Variants in DCHS1 observed in about 807,000 individuals in gnomAD.
DCHS1 encodes dachsous cadherin-related 1, also known as protocadherin-16.
Under a neutral mutation model 213.9 loss-of-function variants are expected in DCHS1, and 78 were observed. The observed-to-expected ratio is 0.36, with a 90% confidence interval of 0.30 to 0.44. DCHS1 has a LOEUF of 0.44. Among genes scored for constraint, DCHS1 ranks in the 20% least tolerant of loss-of-function variants. The pLI, the probability that DCHS1 is intolerant of heterozygous loss-of-function variation, is 1.00. For synonymous variants in DCHS1, 1,828 were observed against 1,873.7 expected (o/e 0.98, Z 0.63); for missense variants, 3,946 against 4,395.9 (o/e 0.90, Z 2.89).
chr11:6,633,037 G>C lies in DCHS1; in HGVS notation c.2475C>G (p.Thr825=), dbSNP rs1855936471. 2 of 1,606,706 alleles carry C rather than the reference G, an allele frequency of 1.2e-6. No homozygotes were observed. Among genetic ancestry groups the C allele is most frequent in the East Asian group, 2.2e-5 (1 of 44,714 alleles). Residue 825 remains threonine (T), a synonymous_variant, in exon 6 of 21, where the codon ACC becomes ACG. Transcript: ENST00000299441. The stretch of plus-strand genomic sequence containing the variant: ...GGGGATCCCCACCTGATAGGGAAAG[G>C]GTCACAGGTGCCAAGCGACCTAGGG... ...HNPPGRLAPV[T]LSLSGGDPRG...
chr11:6,651,058 G>T (rs891210858), intron 1 of DCHS1, among the ~76,000 whole-genome samples: 2 of 152,174 alleles, frequency 1.3e-5, no homozygotes, highest in African/African-American at 4.8e-5. Flanking sequence ...CATTCATTTT[G>T]TTCACAGCCA....
rs185806768 is a variant in DCHS1, at chr11:6,652,664, G to A, written c.-121+2899C>T. Among the ~76,000 whole-genome samples, 6 of 152,300 alleles carry A rather than the reference G, an allele frequency of 3.9e-5. No individual in the cohort carries two copies. In the East Asian group the frequency reaches 7.7e-4, roughly 20 times the overall value. ...CCTTAAGTAGAAGAGACAGCACTTC[G>A]TTCTTATAGGAAGGAAGGAGAAAAG... On this transcript the variant is annotated intron_variant, in intron 1 of 20. Transcript: ENST00000299441.
At chr11:6,651,655 T>C (rs1480702794) in intron 1 of DCHS1, among the ~76,000 whole-genome samples, 1 of 152,036 alleles carries the variant, frequency 6.6e-6, no homozygotes, top group African/African-American at 2.4e-5. Flanking sequence ...GAAAAGATGG[T>C]AGATGAGGGC....
chr11:6,642,296 A>T (rs998831254), intron 1 of DCHS1, among the ~76,000 whole-genome samples: 1 of 152,220 alleles, frequency 6.6e-6, no homozygotes, highest in Non-Finnish European at 1.5e-5. Flanking sequence ...GGCACTGAGG[A>T]TACCACAGCG....
chr11:6,630,634 C>A lies in DCHS1; in HGVS notation c.4160G>T (p.Arg1387Leu). ...GTFALDAASGRLYLARPLDFE... is the reference protein window; with the variant it reads ...GTFALDAASGLLYLARPLDFE... ...GTCCAGGGGCCGCGCCAGGTACAAG[C>A]GCCCTGAGGCCGCATCCAGCGCGAA... The change falls in exon 10 of 21, where the codon CGC (arginine) becomes CTC (leucine). Residue 1387 changes from arginine to leucine, a missense_variant. Physicochemically the swap from Arg to Leu is moderately radical, Grantham distance 102. This residue lies in a region of DCHS1 where 3,384 missense variants were observed against 3,780.1 expected (regional missense o/e 0.90). Coordinates refer to ENST00000299441, the MANE Select transcript of DCHS1 (RefSeq NM_003737.4). 5 of 1,536,792 alleles carry A rather than the reference C, an allele frequency of 3.3e-6. No homozygotes were observed. The highest frequency in any genetic ancestry group is 4.4e-6 in the Non-Finnish European group (5 of 1,146,500).
Position 6,624,341 on chromosome 11 carries a change from T to G in DCHS1, c.7335A>C (p.Ser2445=). 1 of 1,580,486 alleles carries G rather than the reference T, an allele frequency of 6.3e-7. No homozygotes were observed. The highest frequency in any genetic ancestry group is 8.6e-7 in the Non-Finnish European group (1 of 1,163,576). ...CTTCCAGCACCACATCCACTGCTCC[T>G]GACCCGTCATGGCCCAAGGCCACTG... ...VGTVALGHDG[S]GAVDVVLEAR... Residue 2445 remains serine, a synonymous_variant, in exon 21 of 21, where the codon TCA becomes TCC. Coordinates refer to ENST00000299441, the MANE Select transcript of DCHS1 (RefSeq NM_003737.4).
In DCHS1 at chr11:6,631,168, T is replaced by A; in HGVS notation, c.3815A>T (p.Glu1272Val). The A allele has an allele frequency of 1.2e-6, 2 of 1,611,308 alleles. No individual in the cohort carries two copies. The highest frequency in any genetic ancestry group is 8.5e-7 in the Non-Finnish European group (1 of 1,178,436). The change falls in exon 9 of 21, where the codon GAG becomes GTG. Residue 1272 changes from glutamate (E) to valine (V), a missense_variant. Glu to Val is a moderately radical substitution (Grantham distance 121, BLOSUM62 -2). Transcript: ENST00000299441. ...GATCAGGGGAGCTGCAGTGAGCAGC[T>A]CCCCTGAGTGAGGGTGCAGAGAGAA... ...ELFSLHPHSG[E>V]LLTAAPLIRA... is the part of the protein sequence containing the mutation.
chr11:6,655,308 C>T (rs1480668906), intron 1 of DCHS1, among the ~76,000 whole-genome samples: 1 of 152,080 alleles, frequency 6.6e-6, no homozygotes, highest in Admixed American at 6.5e-5. Context: ...ACAACGCTGT[C>T]GCACCCCACA....
chr11:6,630,197 G>A lies in DCHS1; in HGVS notation c.4597C>T (p.Arg1533Cys), dbSNP rs766603073. The change falls in exon 10 of 21, where the codon CGC becomes TGC. Residue 1533 changes from arginine (R) to cysteine (C), a missense_variant. Physicochemically the swap from Arg to Cys is radical, Grantham distance 180 (BLOSUM62 -3). This residue lies in a region of DCHS1 where 3,384 missense variants were observed against 3,780.1 expected (regional missense o/e 0.90). Transcript: ENST00000299441. ...SRRRAARVSA[R>C]VFVTDENDNA... ...TCATTCTCATCCGTGACGAAGACGC[G>A]CGCTGAAACGCGCGCTGCACGACGG... The A allele has an allele frequency of 8.2e-6, 13 of 1,579,898 alleles. No individual in the cohort carries two copies. The highest frequency in any genetic ancestry group is 1.7e-4 in the Middle Eastern group (1 of 6,050).
rs2659874 is a variant in DCHS1, at chr11:6,626,644, C to G, written c.6272G>C (p.Arg2091Thr). The change falls in exon 15 of 21, where the codon AGG becomes ACG. Residue 2091 changes from arginine to threonine, a missense_variant. Arg to Thr is a moderately conservative substitution (Grantham distance 71). Transcript: ENST00000299441. This position sits in a 1 kb window ranked among gnomAD's most constrained non-coding sequence, Gnocchi z 5.2. ...APPGTPIVSP[R>T]AVHAGGTNGP... ...ATTTGTGCCTCCTGCATGGACGGCC[C>G]TGGGGGAGACAATAGGAGTCCCTGC... 2.8e-3 allele frequency: 4,525 copies of G among 1,613,924 alleles called. 111 individuals carry two copies. In the African/African-American group the frequency reaches 0.051, roughly 18 times the overall value.
chr11:6,649,949 G>A (rs1440490193), intron 1 of DCHS1, among the ~76,000 whole-genome samples: 6 of 152,182 alleles, frequency 3.9e-5, no homozygotes, highest in Non-Finnish European at 8.8e-5. Flanking sequence ...TAAGTTAATA[G>A]CTGAACACTT....
In DCHS1 at chr11:6,627,035, G is replaced by A. The variant is rs770566798; in HGVS notation, c.6004C>T (p.Arg2002Trp). 8.1e-6 allele frequency: 13 copies of A among 1,613,484 alleles called. No individual in the cohort carries two copies. The highest frequency in any genetic ancestry group is 4.5e-5 in the East Asian group (2 of 44,892). The change falls in exon 14 of 21, where the codon CGG (arginine) becomes TGG (tryptophan). Residue 2002 changes from arginine to tryptophan, a missense_variant. Physicochemically the swap from Arg to Trp is moderately radical, Grantham distance 101 (BLOSUM62 -3). Transcript: ENST00000299441. The surrounding 1 kb of genome is among the most constrained non-coding windows in gnomAD (Gnocchi z 5.4). Reference sequence around the variant, plus strand: ...CCAGGAGGTGGTGTGCCTGCCAGCCGGTACAGAATGGAAGCATTGGCACCA... The same window carrying A: ...CCAGGAGGTGGTGTGCCTGCCAGCCAGTACAGAATGGAAGCATTGGCACCA... ...DAGANASILYRLAGTPPPGTT... is the reference protein window; with the variant it reads ...DAGANASILYWLAGTPPPGTT...
Position 6,632,546 on chromosome 11 carries a change from T to G in DCHS1, c.2966A>C (p.Gln989Pro), listed in dbSNP as rs1855927842. The change falls in exon 6 of 21, where the codon CAG becomes CCG. Residue 989 changes from glutamine to proline, a missense_variant. Gln to Pro is a moderately conservative substitution (Grantham distance 76). Around this residue, in one of 3 missense-constraint regions of DCHS1, gnomAD observed 3,384 missense variants for 3,780.1 expected, o/e 0.90. Transcript: ENST00000299441. The surrounding 1 kb of genome is among the most constrained non-coding windows in gnomAD (Gnocchi z 5.9). Reference protein sequence around the residue: ...TSHFRLRVVVQDVGTRGLAPR... With the variant: ...TSHFRLRVVVPDVGTRGLAPR... ...AGCCAGCCCACGGGTTCCCACATCC[T>G]GTACCACCACCCGTAGTCGAAAGTG... 2.0e-6 allele frequency: 3 copies of G among 1,528,688 alleles called. No homozygotes were observed. The highest frequency in any genetic ancestry group is 1.8e-6 in the Non-Finnish European group (2 of 1,135,284). The allele number at this position is 1,528,688 out of a possible 1,614,324, so 94.7% of individuals were successfully genotyped here.
At chr11:6,624,555 C>G (rs1855762874) in intron 20 of DCHS1, among the ~76,000 whole-genome samples, 165 bp from the exon 21 acceptor site, 1 of 152,206 alleles carries the variant, frequency 6.6e-6, no homozygotes, top group Non-Finnish European at 1.5e-5. Flanking sequence ...GCTTAGGGAA[C>G]AGCTTCTAGA....
At chr11:6,655,449 A>G (rs1191989467) in intron 1 of DCHS1, 114 bp downstream of exon 1, 4 of 523,274 alleles carry the variant, frequency 7.6e-6, no homozygotes, top group Non-Finnish European at 9.4e-6. Context: ...CCCCTCCCCC[A>G]TTGTCTCCGG....
Position 6,629,727 on chromosome 11 carries a change from C to T in DCHS1, c.4980G>A (p.Glu1660=). Reference sequence around the variant, plus strand: ...GCAGAGATGTGCCAGGAGGGTTGTTCTCACGCAAGAGGACGCTGTACTCCT... The same window carrying T: ...GCAGAGATGTGCCAGGAGGGTTGTTTTCACGCAAGAGGACGCTGTACTCCT... ...QQQEYSVLLR[E]NNPPGTSLLT... is the part of the protein sequence containing the mutation. The change falls in exon 11 of 21, where the codon GAG becomes GAA. Residue 1660 remains glutamate (E), a synonymous_variant. Coordinates refer to ENST00000299441, the MANE Select transcript of DCHS1 (RefSeq NM_003737.4). The T allele has an allele frequency of 6.2e-7, 1 of 1,613,912 alleles. No individual in the cohort carries two copies. Among genetic ancestry groups the T allele is most frequent in the Non-Finnish European group, 8.5e-7 (1 of 1,179,878 alleles).
chr11:6,624,095 C>T lies in DCHS1; in HGVS notation c.7581G>A (p.Trp2527Ter). Residue 2527 changes from tryptophan to a stop codon, truncating the protein, a stop_gained, in exon 21 of 21, where the codon TGG becomes TGA. Coordinates refer to ENST00000299441, the MANE Select transcript of DCHS1 (RefSeq NM_003737.4). LOFTEE classifies it high-confidence loss of function. ...TGGGTTCCAGCTGGAAGACTCGGCC[C>T]CAGTTGCCACTGATGATGCTGTAGT... is the stretch of plus-strand genomic sequence containing the variant. The part of the protein sequence containing the change: ...AVDYSIISGN[W>*]GRVFQLEPRL... The T allele has an allele frequency of 6.2e-7, 1 of 1,612,132 alleles. No homozygotes were observed. Among genetic ancestry groups the T allele is most frequent in the Non-Finnish European group, 8.5e-7 (1 of 1,179,242 alleles).
At chr11:6,637,457 G>A (rs765492044) in intron 2 of DCHS1, among the ~76,000 whole-genome samples, 1 of 152,132 alleles carries the variant, frequency 6.6e-6, no homozygotes, top group Non-Finnish European at 1.5e-5. Flanking sequence ...AAACAAATCT[G>A]ATAATATTGC....
Position 6,626,293 on chromosome 11 carries a change from G to T in DCHS1, c.6452C>A (p.Ala2151Asp), listed in dbSNP as rs1174938172. ...RLVLQAESGG[A>D]FAFTVLTLTL... Reference sequence around the variant, plus strand: ...CAGGGTCAGCACAGTGAAGGCAAAGGCTCCTCCACTCTCTGCCTGCAGCAC... The same window carrying T: ...CAGGGTCAGCACAGTGAAGGCAAAGTCTCCTCCACTCTCTGCCTGCAGCAC... Residue 2151 changes from alanine (A) to aspartate (D), a missense_variant, in exon 16 of 21, where the codon GCC becomes GAC. Around this residue, in one of 3 missense-constraint regions of DCHS1, gnomAD observed 3,384 missense variants for 3,780.1 expected, o/e 0.90. Transcript: ENST00000299441. This position sits in a 1 kb window ranked among gnomAD's most constrained non-coding sequence, Gnocchi z 5.2. 4 of 1,613,322 alleles carry T rather than the reference G, an allele frequency of 2.5e-6. No homozygotes were observed. The highest frequency in any genetic ancestry group is 1.6e-4 in the Middle Eastern group (1 of 6,062).
Sources: allele counts gnomAD v4.1 joint callset (sites outside exome capture counted in the v4.1 genomes callset), GRCh38; gene constraint gnomAD v4.1.1; regional missense constraint gnomAD v4.1.1; non-coding constraint Gnocchi (gnomAD v3.1); transcripts MANE v1.5; gene names NCBI Gene and HGNC (gene_info 2026-07-23, HGNC 2026-07-21).